Variants in MAGI1 observed in about 807,000 individuals in gnomAD.
MAGI1 encodes membrane-associated guanylate kinase, WW and PDZ domain-containing protein 1.
A neutral mutation model predicts 139.9 loss-of-function variants in MAGI1; 58 were observed. The ratio of observed to expected loss-of-function variants is 0.41; its 90% CI spans 0.34 to 0.52. The LOEUF is 0.52. Ranked by LOEUF, MAGI1 falls within the 20% of genes least tolerant of loss-of-function variation. MAGI1 has a pLI of 0.12. For synonymous variants in MAGI1, 812 were observed against 737.9 expected (o/e 1.10, Z -1.63); for missense variants, 1,874 against 1,901.6 (o/e 0.99, Z 0.27).
At chr3:65,605,687 T>C (rs1280767315) in intron 2 of MAGI1, among the ~76,000 whole-genome samples, 3 of 152,182 alleles carry the variant, frequency 2.0e-5, no homozygotes, top group Non-Finnish European at 4.4e-5. Flanking sequence ...AAAATAAGTC[T>C]ACAATATCAC....
intron 1 of MAGI1, among the ~76,000 whole-genome samples, chr3:65,981,613 T>C (rs771952803): frequency 2.6e-5 from 4 of 152,202 alleles, no homozygotes; most frequent in Non-Finnish European, 5.9e-5. Context: ...TCTTGAATTG[T>C]AGCTCCCATA....
chr3:66,037,996 C>G lies in MAGI1; in HGVS notation c.313G>C (p.Gly105Arg). Residue 105 changes from glycine (G) to arginine (R), a missense_variant and splice_region_variant, in exon 1 of 23, where the codon GGA (glycine) becomes CGA (arginine). Gly to Arg is a moderately radical substitution (Grantham distance 125). Transcript: ENST00000402939. Reference sequence around the variant, plus strand: ...CCCCCAAAGGCGCGCCCTGCCTTACCTTGTCTGACGGCCTTGAAGGTGACG... The same window carrying G: ...CCCCCAAAGGCGCGCCCTGCCTTACGTTGTCTGACGGCCTTGAAGGTGACG... ...EAVTFKAVRQ[G>R]GRLNKDLRHF... is the part of the protein sequence containing the mutation. The G allele has an allele frequency of 6.4e-7, 1 of 1,570,854 alleles. No homozygotes were observed. Among genetic ancestry groups the G allele is most frequent in the East Asian group, 2.3e-5 (1 of 44,394 alleles).
At chr3:65,386,136 C>A (rs1240942988) in intron 14 of MAGI1, among the ~76,000 whole-genome samples, 1 of 151,948 alleles carries the variant, frequency 6.6e-6, no homozygotes, top group Non-Finnish European at 1.5e-5. Context: ...CCTACAGTGA[C>A]ACCAAATGTA....
chr3:65,548,775 G>A (rs2079651481), intron 2 of MAGI1, among the ~76,000 whole-genome samples: 1 of 151,916 alleles, frequency 6.6e-6, no homozygotes, highest in Non-Finnish European at 1.5e-5. Context: ...CACCCAACTC[G>A]GTCTCCCAAA....
At chr3:65,738,916 G>T (rs2035021056) in intron 1 of MAGI1, among the ~76,000 whole-genome samples, 1 of 152,180 alleles carries the variant, frequency 6.6e-6, no homozygotes, top group Non-Finnish European at 1.5e-5. Flanking sequence ...TAAGGCCCTA[G>T]AATCTTCAGA....
At chr3:65,908,627 A>C (rs2061533772) in intron 1 of MAGI1, among the ~76,000 whole-genome samples, 1 of 152,152 alleles carries the variant, frequency 6.6e-6, no homozygotes, top group African/African-American at 2.4e-5. Context: ...ATTCCTGCAA[A>C]TCATCTTCTA....
intron 2 of MAGI1, among the ~76,000 whole-genome samples, chr3:65,572,095 C>T (rs937833600): frequency 1.3e-5 from 2 of 152,036 alleles, no homozygotes; most frequent in Non-Finnish European, 1.5e-5. Flanking sequence ...GGTAATCATC[C>T]TATTTAATTC....
At chr3:65,702,615 T>G (rs2089694351) in intron 1 of MAGI1, among the ~76,000 whole-genome samples, 1 of 152,166 alleles carries the variant, frequency 6.6e-6, no homozygotes, top group African/African-American at 2.4e-5. Flanking sequence ...TACACGCCTT[T>G]GCATCCTTCA....
At chr3:65,891,939 TATAC>T (rs2060787293) in intron 1 of MAGI1, among the ~76,000 whole-genome samples, 5 of 99,384 alleles carry the variant, frequency 5.0e-5, no homozygotes, top group African/African-American at 7.6e-5. Context: ...TATATATATA[TATAC>T]CCGTGTTGCT....
At chr3:65,682,558 C>T (rs1385384381) in intron 1 of MAGI1, among the ~76,000 whole-genome samples, 1 of 152,196 alleles carries the variant, frequency 6.6e-6, no homozygotes, top group Admixed American at 6.5e-5. Flanking sequence ...TACACTAAGT[C>T]AGTTGTGACC....
intron 1 of MAGI1, among the ~76,000 whole-genome samples, chr3:65,975,874 G>A (rs1228918386): frequency 1.3e-5 from 2 of 152,174 alleles, no homozygotes; most frequent in African/African-American, 4.8e-5. Context: ...GCTTCTGAGG[G>A]ATGGTGGCAG....
intron 1 of MAGI1, among the ~76,000 whole-genome samples, chr3:65,947,879 A>G (rs2063610706): frequency 6.6e-6 from 1 of 151,408 alleles, no homozygotes. Context: ...AGCCTCCCAA[A>G]GTGCTGGGAT....
intron 1 of MAGI1, among the ~76,000 whole-genome samples, chr3:65,855,610 GAT>G: frequency 4.8e-4 from 1 of 2,072 alleles, no homozygotes; most frequent in African/African-American, 1.5e-3. Context: ...GGAGACGGGA[GAT>G]GGGGAGGAGA....
chr3:65,503,663 T>C (rs1006715093), intron 2 of MAGI1, among the ~76,000 whole-genome samples: 4 of 152,204 alleles, frequency 2.6e-5, no homozygotes, highest in Non-Finnish European at 5.9e-5. Flanking sequence ...GATGAAGGTA[T>C]TGGAATCTCG....
chr3:65,966,701 T>C (rs2064763377), intron 1 of MAGI1, among the ~76,000 whole-genome samples: 1 of 152,156 alleles, frequency 6.6e-6, no homozygotes, highest in Non-Finnish European at 1.5e-5. Flanking sequence ...TTGCTGCTAA[T>C]TACGAGGCAT....
At chr3:65,765,088 C>T (rs2037355083) in intron 1 of MAGI1, among the ~76,000 whole-genome samples, 1 of 152,184 alleles carries the variant, frequency 6.6e-6, no homozygotes. Flanking sequence ...GCATCCTTCC[C>T]ATCATGGAAG....
intron 1 of MAGI1, among the ~76,000 whole-genome samples, chr3:66,024,699 G>C (rs940780996): frequency 6.6e-6 from 1 of 152,072 alleles, no homozygotes; most frequent in Non-Finnish European, 1.5e-5. Flanking sequence ...CCAGCTACTC[G>C]GGAGGCTGAA....
intron 2 of MAGI1, among the ~76,000 whole-genome samples, chr3:65,571,428 T>C (rs1402931078): frequency 2.6e-5 from 4 of 152,102 alleles, no homozygotes; most frequent in Non-Finnish European, 5.9e-5. Context: ...TAGTGTTATT[T>C]ATAAAAGGAT....
At chr3:65,396,465 T>C (rs2127521) in intron 13 of MAGI1, among the ~76,000 whole-genome samples, 133,135 of 152,190 alleles carry the variant, frequency 0.87, 58,952 homozygotes, top group Non-Finnish European at 0.95. Context: ...GCCAGGGAAA[T>C]TGGGAAGACA....
Sources: gnomAD v4.1 joint callset for allele counts (sites outside exome capture counted in the v4.1 genomes callset) on GRCh38, gnomAD v4.1.1 for gene constraint, MANE v1.5 for transcripts, NCBI Gene and HGNC (gene_info 2026-07-23, HGNC 2026-07-21) for gene names.